KSR2: variants seen among roughly 807,000 people sequenced by gnomAD.
KSR2 encodes kinase suppressor of ras 2.
A neutral mutation model predicts 107.8 loss-of-function variants in KSR2; 25 were observed. The observed-to-expected ratio is 0.23, with a 90% CI of 0.17 to 0.32. KSR2 has a LOEUF of 0.32. Ranked by LOEUF, KSR2 falls within the 10% of genes least tolerant of loss-of-function variation. The pLI is 1.00. For synonymous variants in KSR2, 480 were observed against 507.0 expected (o/e 0.95, Z 0.71); for missense variants, 887 against 1,268.9 (o/e 0.70, Z 4.57).
At chr12:117,590,368 A>G (rs1008791430) in intron 5 of KSR2, among the ~76,000 whole-genome samples, 5 of 152,124 alleles carry the variant, frequency 3.3e-5, no homozygotes, top group African/African-American at 1.2e-4. Flanking sequence ...ACGTGAGCAC[A>G]CCTGTGACAA....
chr12:117,805,589 C>T (rs934618969), intron 3 of KSR2, among the ~76,000 whole-genome samples: 1 of 152,224 alleles, frequency 6.6e-6, no homozygotes, highest in Non-Finnish European at 1.5e-5. Context: ...AATCTCTGAA[C>T]CTGAATTTGC....
intron 5 of KSR2, among the ~76,000 whole-genome samples, chr12:117,601,304 G>T (rs962878579): frequency 1.3e-5 from 2 of 149,378 alleles, no homozygotes; most frequent in Non-Finnish European, 3.0e-5. Context: ...TTGGGGGGGG[G>T]GGTACCTAAT....
At chr12:117,945,623 A>C (rs1319129679) in intron 1 of KSR2, among the ~76,000 whole-genome samples, 2 of 152,150 alleles carry the variant, frequency 1.3e-5, no homozygotes, top group Admixed American at 1.3e-4. Context: ...GCAATGAGCC[A>C]AGGTCGTGCC....
At chr12:117,710,997 C>T (rs531723780) in intron 4 of KSR2, among the ~76,000 whole-genome samples, 1 of 152,174 alleles carries the variant, frequency 6.6e-6, no homozygotes, top group Non-Finnish European at 1.5e-5. Context: ...TCAAATGTCA[C>T]CTAATCAGAG....
chr12:117,722,069 G>T (rs1487765151), intron 4 of KSR2, among the ~76,000 whole-genome samples: 2 of 151,870 alleles, frequency 1.3e-5, no homozygotes, highest in Non-Finnish European at 1.5e-5. Flanking sequence ...TTTTTTAAGG[G>T]TCTCGCTATG....
chr12:117,582,348 CTGA>C lies in KSR2; in HGVS notation c.1180_1182del (p.Ser394del). On this transcript the variant is annotated inframe_deletion, in exon 6 of 20. Transcript: ENST00000339824. ...GGGATCTGCGGGGACCAGCGTGGCACTGACAGTGTGTCTACAGAGAGAAGAGAA... is the reference window on the plus strand; with the variant it reads ...GGGATCTGCGGGGACCAGCGTGGCACCAGTGTGTCTACAGAGAGAAGAGAA... The C allele has an allele frequency of 6.2e-7, 1 of 1,613,642 alleles. No homozygotes were observed.
Position 117,901,747 on chromosome 12 carries a change from G to A in KSR2, c.181-41316C>T, listed in dbSNP as rs181622997. On this transcript the variant is annotated intron_variant, in intron 1 of 19. Transcript: ENST00000339824. Reference sequence around the variant, plus strand: ...CATGCAATAAGAACCGTCATTTCCAGTCAGCCCATTATTCCTAGACCTGCG... The same window carrying A: ...CATGCAATAAGAACCGTCATTTCCAATCAGCCCATTATTCCTAGACCTGCG... 1.4e-3 allele frequency among the ~76,000 whole-genome samples: 219 copies of A among 152,304 alleles called. 2 individuals are homozygous for A. The highest frequency in any genetic ancestry group is 3.1e-3 in the Admixed American group (48 of 15,292).
chr12:117,936,533 T>TAGTAGTAGTAG (rs1555258978), intron 1 of KSR2, among the ~76,000 whole-genome samples: 209 of 119,672 alleles, frequency 1.7e-3, no homozygotes, highest in Non-Finnish European at 2.7e-3. Flanking sequence ...ATTATTATTA[T>TAGTAGTAGTAG]TAGTAGTAGT....
At position 117,817,788 on chromosome 12, in the gene KSR2, C is replaced by T. The variant is rs149153934; in HGVS notation, c.472+37640G>A. 4.8e-3 allele frequency among the ~76,000 whole-genome samples: 731 copies of T among 152,266 alleles called. 4 individuals are homozygous for T. Among genetic ancestry groups the T allele is most frequent in the African/African-American group, 0.017 (701 of 41,556 alleles). ...TTCCCCACAGGGGCTGGGATCTCCT[C>T]CATCCAAATCCCTTTCTTCAAGATG... On this transcript the variant is annotated intron_variant, in intron 3 of 19. Coordinates refer to ENST00000339824, the MANE Select transcript of KSR2 (RefSeq NM_173598.6).
At chr12:117,956,668 T>C (rs1348091121) in intron 1 of KSR2, among the ~76,000 whole-genome samples, 12 of 152,032 alleles carry the variant, frequency 7.9e-5, no homozygotes, top group Admixed American at 7.9e-4. Flanking sequence ...TGCTCACCCC[T>C]GTAATCCTAG....
intron 14 of KSR2, among the ~76,000 whole-genome samples, chr12:117,507,361 T>C (rs2137189789): frequency 6.6e-6 from 1 of 152,326 alleles, no homozygotes; most frequent in Non-Finnish European, 1.5e-5. Flanking sequence ...TGGCCATTCA[T>C]CTCCAATAAG....
chr12:117,574,892 G>GAAAA (rs35204005), intron 7 of KSR2, among the ~76,000 whole-genome samples: 9 of 115,350 alleles, frequency 7.8e-5, no homozygotes, highest in African/African-American at 2.6e-4. Flanking sequence ...TGCTCTGGGT[G>GAAAA]AAAAAAAAAA....
intron 14 of KSR2, among the ~76,000 whole-genome samples, chr12:117,514,692 G>A (rs1592944872): frequency 6.6e-6 from 1 of 152,038 alleles, no homozygotes; most frequent in Middle Eastern, 3.4e-3. Context: ...GGGACTACAG[G>A]AGCACACCAT....
chr12:117,453,317 G>C lies in KSR2; in HGVS notation c.*13882C>G, dbSNP rs1272472835. The C allele has an allele frequency of 1.3e-5, 2 of 152,502 alleles. No individual in the cohort carries two copies. The highest frequency in any genetic ancestry group is 2.4e-5 in the African/African-American group (1 of 41,406). The allele number at this position is 152,502 out of a possible 1,614,324, so 9.4% of individuals were successfully genotyped here. On this transcript the variant is annotated 3_prime_UTR_variant, in exon 20 of 20. Transcript: ENST00000339824. Reference sequence around the variant, plus strand: ...TGTTCCTTCTCAGCAACAAGACATTGGCAACAAGTGAGAAAGAGAGAGACA... The same window carrying C: ...TGTTCCTTCTCAGCAACAAGACATTCGCAACAAGTGAGAAAGAGAGAGACA...
intron 5 of KSR2, among the ~76,000 whole-genome samples, chr12:117,666,649 A>T (rs1044971218): frequency 3.3e-5 from 5 of 152,226 alleles, no homozygotes; most frequent in Admixed American, 2.0e-4. Flanking sequence ...AACATGTCTC[A>T]TCATTTCTCA....
chr12:117,961,470 C>T (rs758866245), intron 1 of KSR2, among the ~76,000 whole-genome samples: 1 of 152,210 alleles, frequency 6.6e-6, no homozygotes, highest in South Asian at 2.1e-4. Flanking sequence ...CCTCTATACC[C>T]AGGCTGGCCA....
At chr12:117,921,065 G>T (rs1257147600) in intron 1 of KSR2, among the ~76,000 whole-genome samples, 1 of 152,188 alleles carries the variant, frequency 6.6e-6, no homozygotes, top group Non-Finnish European at 1.5e-5. Flanking sequence ...ATAGTTATTT[G>T]AACCCAGGCT....
chr12:117,826,423 T>C (rs1182718421), intron 3 of KSR2, among the ~76,000 whole-genome samples: 1 of 151,598 alleles, frequency 6.6e-6, no homozygotes, highest in Non-Finnish European at 1.5e-5. Context: ...CTGTCTTTGA[T>C]AAGCAAGGCA....
At chr12:117,821,996 AG>A (rs1287798842) in intron 3 of KSR2, among the ~76,000 whole-genome samples, 1 of 152,208 alleles carries the variant, frequency 6.6e-6, no homozygotes, top group African/African-American at 2.4e-5. Flanking sequence ...CTGATAAAAC[AG>A]GTTGCAGTAA....
Sources: gnomAD v4.1 joint callset for allele counts (sites outside exome capture counted in the v4.1 genomes callset) on GRCh38, gnomAD v4.1.1 for gene constraint, MANE v1.5 for transcripts, NCBI Gene and HGNC (gene_info 2026-07-23, HGNC 2026-07-21) for gene names.